The following RASSF5 variants were observed in gnomAD, a reference collection of about 807,000 sequenced individuals.
RASSF5 encodes ras association domain-containing protein 5.
A neutral mutation model predicts 40.5 loss-of-function variants in RASSF5; 25 were observed. That is an observed-to-expected ratio of 0.62 (90% CI 0.45 to 0.86). The LOEUF (loss-of-function observed/expected upper bound fraction) is 0.86. Ranked by LOEUF, RASSF5 falls within the 40% of genes least tolerant of loss-of-function variation. The pLI, the probability that RASSF5 is intolerant of heterozygous loss-of-function variation, is 0.00. For synonymous variants in RASSF5, 246 were observed against 252.4 expected (o/e 0.97, Z 0.24); for missense variants, 521 against 572.8 (o/e 0.91, Z 0.92).
chr1:206,550,909 C>G (rs11119018), intron 2 of RASSF5, among the ~76,000 whole-genome samples: 86,235 of 152,044 alleles, frequency 0.57, 24,614 homozygotes, highest in East Asian at 0.75. Context: ...GCCTGCCCTG[C>G]TACCCAGTCC....
intron 2 of RASSF5, among the ~76,000 whole-genome samples, chr1:206,580,513 C>G (rs1553406073): frequency 6.6e-6 from 1 of 152,144 alleles, no homozygotes; most frequent in Non-Finnish European, 1.5e-5. Context: ...GGGCCAGGGT[C>G]AGGCACATCT....
At chr1:206,554,762 G>T (rs1047753267) in intron 2 of RASSF5, among the ~76,000 whole-genome samples, 9 of 152,178 alleles carry the variant, frequency 5.9e-5, no homozygotes, top group Non-Finnish European at 1.2e-4. Flanking sequence ...TCCTTCCTTT[G>T]AGACCCTGGG....
At chr1:206,557,635 GCTT>G in intron 2 of RASSF5, 1 of 1,614,234 alleles carries the variant, frequency 6.2e-7, no homozygotes, top group Non-Finnish European at 8.5e-7. Flanking sequence ...CTGGAAGACT[GCTT>G]CTTCACTGCT....
At chr1:206,553,496 G>A (rs1473467017) in intron 2 of RASSF5, among the ~76,000 whole-genome samples, 1 of 152,156 alleles carries the variant, frequency 6.6e-6, no homozygotes, top group Non-Finnish European at 1.5e-5. Context: ...AAAAGAAGGA[G>A]CAGGTAGCGG....
chr1:206,587,665 G>C lies in RASSF5; in HGVS notation c.*687G>C, dbSNP rs934247471. The C allele has an allele frequency of 1.3e-5, 2 of 153,494 alleles. No individual in the cohort carries two copies. The highest frequency in any genetic ancestry group is 4.8e-5 in the African/African-American group (2 of 41,460). 9.5% of individuals were successfully genotyped at this position (153,494 alleles called of 1,614,324 possible). ...CCACATTGCACATGGAAACCCAAAGGCATATATCTGCGTATGTGTGGTACT... is the reference window on the plus strand; with the variant it reads ...CCACATTGCACATGGAAACCCAAAGCCATATATCTGCGTATGTGTGGTACT... On this transcript the variant is annotated 3_prime_UTR_variant, in exon 6 of 6. Transcript: ENST00000579436.
intron 2 of RASSF5, among the ~76,000 whole-genome samples, chr1:206,554,635 A>C (rs1553401503): frequency 6.6e-6 from 1 of 151,864 alleles, no homozygotes; most frequent in East Asian, 1.9e-4. Flanking sequence ...TCTTGCTCAG[A>C]CTCTTCCATG....
rs115164887 is a variant in RASSF5, at chr1:206,522,482, G to A, written c.457+14423G>A. Among the ~76,000 whole-genome samples the A allele has an allele frequency of 9.2e-3, 1,402 of 152,228 alleles. 21 individuals are homozygous for A. The highest frequency in any genetic ancestry group is 0.032 in the African/African-American group (1,343 of 41,510). ...TCTGATGTGGTGTCGGAGGGTCCAG[G>A]TGACAAATCTCTCACATTCACTGAG... On this transcript the variant is annotated intron_variant, in intron 1 of 5. Transcript: ENST00000579436.
chr1:206,537,124 T>C (rs1376650325), intron 1 of RASSF5, among the ~76,000 whole-genome samples: 1 of 152,122 alleles, frequency 6.6e-6, no homozygotes, highest in African/African-American at 2.4e-5. Flanking sequence ...TTGAGAAAGC[T>C]GGAAAATACT....
chr1:206,530,060 G>T (rs1485779146), intron 1 of RASSF5, among the ~76,000 whole-genome samples: 1 of 152,222 alleles, frequency 6.6e-6, no homozygotes, highest in Non-Finnish European at 1.5e-5. Context: ...TGTCATCACA[G>T]TGTGGGTACG....
chr1:206,582,641 C>A (rs1176839637), intron 2 of RASSF5, among the ~76,000 whole-genome samples: 1 of 152,204 alleles, frequency 6.6e-6, no homozygotes, highest in African/African-American at 2.4e-5. Context: ...TCATCCCTGC[C>A]AGTTCACTCG....
chr1:206,585,093 C>A, intron 4 of RASSF5, 87 bp from the exon 5 acceptor site: 4 of 931,704 alleles, frequency 4.3e-6, no homozygotes, highest in Non-Finnish European at 6.8e-6. Flanking sequence ...ACGTACCCCA[C>A]CTCTGCATTT....
chr1:206,557,086 C>A, intron 2 of RASSF5: 1 of 974,790 alleles, frequency 1.0e-6, no homozygotes, highest in Non-Finnish European at 1.2e-6. Flanking sequence ...CGGGTGGCAC[C>A]CAGGCGGCGG....
rs1669239144 is a variant in RASSF5 at position 206,588,812 on chromosome 1, A to C, written c.*1834A>C. On this transcript the variant is annotated 3_prime_UTR_variant, in exon 6 of 6. Coordinates refer to ENST00000579436, the MANE Select transcript of RASSF5 (RefSeq NM_182663.4). ...AGAAACTCTCTCCCTGCTGTATATT[A>C]AAGGGAGCAGGTGGAGAGTCATTTT... 6.5e-6 allele frequency: 1 copy of C among 152,746 alleles called. No individual in the cohort carries two copies. Among genetic ancestry groups the C allele is most frequent in the Non-Finnish European group, 1.5e-5 (1 of 68,046 alleles). The allele number at this position is 152,746 out of a possible 1,614,324, so 9.5% of individuals were successfully genotyped here.
At chr1:206,573,095 G>C (rs1291716342) in intron 2 of RASSF5, among the ~76,000 whole-genome samples, 4 of 152,200 alleles carry the variant, frequency 2.6e-5, no homozygotes, top group Non-Finnish European at 4.4e-5. Flanking sequence ...TGCTTACTGT[G>C]TACTTTGTGC....
intron 1 of RASSF5, among the ~76,000 whole-genome samples, chr1:206,528,281 T>G (rs926099551): frequency 6.6e-6 from 1 of 152,028 alleles, no homozygotes; most frequent in African/African-American, 2.4e-5. Flanking sequence ...AGTGAATGCA[T>G]AGTACTAAGT....
intron 1 of RASSF5, among the ~76,000 whole-genome samples, chr1:206,514,440 T>C (rs1666698875): frequency 6.6e-6 from 1 of 152,206 alleles, no homozygotes; most frequent in Non-Finnish European, 1.5e-5. Context: ...TCTGTTCATT[T>C]TTGTGTGGCA....
chr1:206,553,827 G>GATT, intron 2 of RASSF5, among the ~76,000 whole-genome samples: 1 of 152,194 alleles, frequency 6.6e-6, no homozygotes, highest in South Asian at 2.1e-4. Flanking sequence ...GTTATTATGA[G>GATT]AGTAATCACA....
intron 2 of RASSF5, among the ~76,000 whole-genome samples, chr1:206,580,375 G>A (rs1668822403): frequency 6.6e-6 from 1 of 152,186 alleles, no homozygotes; most frequent in Admixed American, 6.5e-5. Flanking sequence ...TTATAGACAA[G>A]TATGAGAAAG....
chr1:206,511,858 A>G lies in RASSF5; in HGVS notation c.457+3799A>G, dbSNP rs369466125. Among the ~76,000 whole-genome samples the G allele has an allele frequency of 1.8e-4, 28 of 152,280 alleles. 1 individual carries two copies. Among genetic ancestry groups the G allele is most frequent in the African/African-American group, 6.5e-4 (27 of 41,544 alleles). On this transcript the variant is annotated intron_variant, in intron 1 of 5. Transcript: ENST00000579436. ...GCACAGCTGGAACCGCCTGCGTGAC[A>G]GCCCCCGATCCTGCAGACCCATCCC...
Sources: allele counts gnomAD v4.1 joint callset (sites outside exome capture counted in the v4.1 genomes callset), GRCh38; gene constraint gnomAD v4.1.1; transcripts MANE v1.5; gene names NCBI Gene and HGNC (gene_info 2026-07-23, HGNC 2026-07-21).